The following RYR3 variants were observed in gnomAD, a reference collection of about 807,000 sequenced individuals.
RYR3 encodes the protein brain ryanodine receptor-calcium release channel.
In RYR3, 207 loss-of-function variants were observed where a neutral mutation model predicts 584.3. The ratio of observed to expected loss-of-function variants is 0.35; its 90% CI spans 0.32 to 0.40. The LOEUF is 0.40. RYR3 is among the 10% of genes least tolerant of loss of function. The probability of loss-of-function intolerance (pLI) is 1.00; values close to 1 mark genes in which losing one functional copy is unlikely to be tolerated. For synonymous variants in RYR3, 2,416 were observed against 2,248.5 expected, an observed-to-expected ratio of 1.07 and a Z score of -2.11; for missense variants, 5,616 against 6,089.2, an observed-to-expected ratio of 0.92 and a Z score of 2.59.
rs1034802988 is a variant in RYR3 at position 33,840,856 on chromosome 15, A to G, written c.13010A>G (p.Glu4337Gly). The G allele has an allele frequency of 1.9e-6, 3 of 1,613,842 alleles. No individual in the cohort carries two copies. In the Admixed American group the frequency reaches 5.0e-5, roughly 27 times the overall value. ...GAAATGAAAGCAGCAAATGAAGCAG[A>G]AGGAAAAGTAGAATCCGAGAAGGCA... The part of the protein sequence containing the change: ...AAEMKAANEA[E>G]GKVESEKADM... The change falls in exon 90 of 104, where the codon GAA becomes GGA. Residue 4337 changes from glutamate to glycine, a missense_variant. By Grantham distance (98) the Glu-to-Gly change is moderately conservative. This residue lies in a region of RYR3 where 918 missense variants were observed against 887.4 expected (regional missense o/e 1.03). Coordinates refer to ENST00000634891, the MANE Select transcript of RYR3 (RefSeq NM_001036.6).
intron 1 of RYR3, among the ~76,000 whole-genome samples, chr15:33,379,687 C>CTCTCTCTCTCTATATA: frequency 4.0e-5 from 5 of 125,500 alleles, no homozygotes; most frequent in African/African-American, 1.8e-4. Flanking sequence ...CTCTCTCTCT[C>CTCTCTCTCTCTATATA]TATATATATA....
intron 38 of RYR3, among the ~76,000 whole-genome samples, chr15:33,692,657 A>C (rs1038651420): frequency 6.8e-6 from 1 of 146,840 alleles, no homozygotes; most frequent in Admixed American, 7.1e-5. Context: ...CAGCTTGGTC[A>C]CACATAAATA....
At chr15:33,563,111 A>G in intron 11 of RYR3, 101 bp downstream of exon 11, 1 of 929,796 alleles carries the variant, frequency 1.1e-6, no homozygotes. Flanking sequence ...ATTGTGATTT[A>G]CTTCTTACTA....
At chr15:33,827,016 G>A (rs2077410957) in intron 84 of RYR3, among the ~76,000 whole-genome samples, 183 bp from the exon 85 acceptor site, 1 of 152,130 alleles carries the variant, frequency 6.6e-6, no homozygotes, top group African/African-American at 2.4e-5. Context: ...CCAGTTTCTG[G>A]TGTCCGCAGG....
At chr15:33,597,684 A>G (rs1355194961) in intron 16 of RYR3, among the ~76,000 whole-genome samples, 2 of 152,018 alleles carry the variant, frequency 1.3e-5, no homozygotes, top group Non-Finnish European at 2.9e-5. Context: ...TAGTCTTTAA[A>G]TAGGAACTTT....
chr15:33,669,143 T>A (rs1252397834), intron 36 of RYR3, among the ~76,000 whole-genome samples: 1 of 152,022 alleles, frequency 6.6e-6, no homozygotes, highest in East Asian at 1.9e-4. Flanking sequence ...CTTATTTAGG[T>A]ATTTTCCAAA....
intron 1 of RYR3, among the ~76,000 whole-genome samples, chr15:33,410,477 A>G (rs886579087): frequency 3.9e-5 from 6 of 152,250 alleles, no homozygotes. Flanking sequence ...GTCCATCCTC[A>G]TTATTCAAAC....
chr15:33,322,219 A>C (rs981807372), intron 1 of RYR3, among the ~76,000 whole-genome samples: 1 of 152,234 alleles, frequency 6.6e-6, no homozygotes, highest in African/African-American at 2.4e-5. Flanking sequence ...GAAAGGGTTT[A>C]ATTGGCACAT....
rs146172071 is a variant in RYR3 at position 33,590,222 on chromosome 15, C to G, written c.1788+4106C>G. Among the ~76,000 whole-genome samples, 1,220 of 152,180 alleles carry G rather than the reference C, an allele frequency of 8.0e-3. 35 individuals are homozygous for G. Among genetic ancestry groups the G allele is most frequent in the Admixed American group, 0.057 (864 of 15,288 alleles). On this transcript the variant is annotated intron_variant, in intron 16 of 103. Coordinates refer to ENST00000634891, the MANE Select transcript of RYR3 (RefSeq NM_001036.6). The stretch of plus-strand genomic sequence containing the variant: ...GAATGTCATCGGTTAAGGCAGGAAC[C>G]GGCCATTTTCACTTCTTTTGTGATT...
chr15:33,315,312 C>T (rs1968005355), intron 1 of RYR3, among the ~76,000 whole-genome samples: 1 of 152,126 alleles, frequency 6.6e-6, no homozygotes, highest in African/African-American at 2.4e-5. Flanking sequence ...GCGGCAGGGC[C>T]CATTTACATA....
In RYR3 at chr15:33,860,579, G is replaced by C. The variant is rs1329658311; in HGVS notation, c.14300-16G>C. 5 of 1,545,626 alleles carry C rather than the reference G, an allele frequency of 3.2e-6. No individual in the cohort carries two copies. The highest frequency in any genetic ancestry group is 2.3e-5 in the East Asian group (1 of 43,286). ...CCACTACACAGATTGCTTTGTCTTT[G>C]TATTTAACATTCCAGGTCTTATTAT... On this transcript the variant is annotated splice_polypyrimidine_tract_variant and intron_variant, in intron 100 of 103. Coordinates refer to ENST00000634891, the MANE Select transcript of RYR3 (RefSeq NM_001036.6).
intron 98 of RYR3, among the ~76,000 whole-genome samples, 191 bp from the exon 99 acceptor site, chr15:33,857,589 C>T (rs537702868): frequency 3.9e-5 from 6 of 152,150 alleles, no homozygotes; most frequent in Non-Finnish European, 7.4e-5. Context: ...GCCCGCTTCT[C>T]TTTACCTGTG....
rs779160275 is a variant in RYR3 at position 33,818,533 on chromosome 15, G to A, written c.10600-45G>A. 5.9e-5 allele frequency: 85 copies of A among 1,439,606 alleles called. No homozygotes were observed. In the East Asian group the frequency reaches 9.6e-4, roughly 16 times the overall value. 89.2% of individuals were successfully genotyped at this position (1,439,606 alleles called of 1,614,324 possible). On this transcript the variant is annotated intron_variant, in intron 75 of 103. Coordinates refer to ENST00000634891, the MANE Select transcript of RYR3 (RefSeq NM_001036.6). ...TGTTCGCATGCCAGTCACGTGGCAC[G>A]AGATTAAATTCATGCCTAAAACCTA...
rs760329523 is a variant in RYR3, at chr15:33,769,214, C to T, written c.8816+42C>T. The T allele has an allele frequency of 3.0e-6, 4 of 1,315,582 alleles. No homozygotes were observed. In the East Asian group the frequency reaches 9.2e-5, roughly 30 times the overall value. The allele number at this position is 1,315,582 out of a possible 1,614,324, so 81.5% of individuals were successfully genotyped here. ...TTTCCCAATAGTTTCTCATGACTTC[C>T]TCTCTGACCCTCTCATCTCACTAAT... On this transcript the variant is annotated intron_variant, in intron 62 of 103. Transcript: ENST00000634891.
chr15:33,329,365 A>G (rs936687865), intron 1 of RYR3, among the ~76,000 whole-genome samples: 2 of 152,232 alleles, frequency 1.3e-5, no homozygotes, highest in Non-Finnish European at 2.9e-5. Context: ...AATACTGCTA[A>G]TAAAAGTTAC....
chr15:33,566,555 G>T, intron 11 of RYR3, 123 bp from the exon 12 acceptor site: 1 of 1,041,768 alleles, frequency 9.6e-7, no homozygotes, highest in Non-Finnish European at 1.5e-6. Context: ...TCTCAAAATG[G>T]ACCCAAGAGA....
At chr15:33,601,110 G>A (rs2059638224) in intron 16 of RYR3, among the ~76,000 whole-genome samples, 2 of 152,262 alleles carry the variant, frequency 1.3e-5, no homozygotes, top group African/African-American at 4.8e-5. Context: ...TGTCTTCAGA[G>A]CACAGCCTCT....
chr15:33,753,201 G>T (rs1313900696), intron 57 of RYR3, among the ~76,000 whole-genome samples: 1 of 152,178 alleles, frequency 6.6e-6, no homozygotes, highest in Admixed American at 6.5e-5. Context: ...AGTTTTCATA[G>T]AGTCAGCAGT....
chr15:33,696,193 C>T (rs1039424279), intron 38 of RYR3, 25 bp from the exon 39 acceptor site: 25 of 1,605,766 alleles, frequency 1.6e-5, no homozygotes, highest in Non-Finnish European at 2.0e-5. Context: ...AGCCACAGTC[C>T]TGCTCCCTCC....
Sources: allele counts gnomAD v4.1 joint callset (sites outside exome capture counted in the v4.1 genomes callset), GRCh38; gene constraint gnomAD v4.1.1; regional missense constraint gnomAD v4.1.1; transcripts MANE v1.5; gene names NCBI Gene and HGNC (gene_info 2026-07-23, HGNC 2026-07-21).